NINJ1: variants seen among roughly 807,000 people sequenced by gnomAD.
NINJ1 encodes the protein ninjurin-1.
A neutral mutation model predicts 12.7 loss-of-function variants in NINJ1; 6 were observed. The ratio of observed to expected loss-of-function variants is 0.47; its 90% CI spans 0.26 to 0.93. NINJ1 has a LOEUF of 0.93. NINJ1 is among the 40% of genes least tolerant of loss of function. The probability of loss-of-function intolerance (pLI) is 0.15; values close to 1 mark genes in which losing one functional copy is unlikely to be tolerated. For synonymous variants in NINJ1, 100 were observed against 96.0 expected (o/e 1.04, Z -0.25); for missense variants, 170 against 213.0 (o/e 0.80, Z 1.26).
intron 1 of NINJ1, among the ~76,000 whole-genome samples, chr9:93,133,297 C>A (rs557139378): frequency 2.0e-5 from 3 of 152,352 alleles, no homozygotes; most frequent in African/African-American, 7.2e-5. Flanking sequence ...CTGGTCCACG[C>A]CATGGAGAGG....
At position 93,125,063 on chromosome 9, in the gene NINJ1, C is replaced by T. The variant is rs755564705; in HGVS notation, c.305-1G>A. 4.3e-6 allele frequency: 7 copies of T among 1,610,198 alleles called. No homozygotes were observed. The highest frequency in any genetic ancestry group is 5.9e-6 in the Non-Finnish European group (7 of 1,177,788). On this transcript the variant is annotated splice_acceptor_variant, in intron 2 of 3. Transcript: ENST00000375446. LOFTEE classifies it high-confidence loss of function. ...GCCGGGTTGTTAAGGTCGTACTTGACTGTGGGCGAGAGAGGAGTGGATGGT... is the reference window on the plus strand; with the variant it reads ...GCCGGGTTGTTAAGGTCGTACTTGATTGTGGGCGAGAGAGGAGTGGATGGT...
At chr9:93,126,348 C>T (rs35551956) in intron 2 of NINJ1, 62 bp downstream of exon 2, 77,433 of 1,441,006 alleles carry the variant, frequency 0.054, 2,532 homozygotes, top group Non-Finnish European at 0.064. Context: ...CTGTCCCAGG[C>T]GATGCGAGCA....
At chr9:93,126,693 G>T in intron 1 of NINJ1, 55 bp from the exon 2 acceptor site, 1 of 1,433,372 alleles carries the variant, frequency 7.0e-7, no homozygotes, top group Non-Finnish European at 9.5e-7. Context: ...CAAGGGCTGT[G>T]CCTGAGTCGG....
chr9:93,134,026 G>T (rs1024053820), intron 1 of NINJ1, 117 bp downstream of exon 1: 26 of 703,668 alleles, frequency 3.7e-5, no homozygotes, highest in Non-Finnish European at 1.3e-5. Flanking sequence ...GCCTAGAGCG[G>T]GACGTCCCCC....
intron 2 of NINJ1, 32 bp from the exon 3 acceptor site, chr9:93,125,094 G>C (rs1827792872): frequency 6.3e-7 from 1 of 1,588,754 alleles, no homozygotes; most frequent in African/African-American, 1.3e-5. Context: ...ATGGTGCCAA[G>C]GGCAGCCCAG....
intron 1 of NINJ1, among the ~76,000 whole-genome samples, chr9:93,129,181 G>A (rs377430808): frequency 1.5e-4 from 2 of 12,906 alleles, no homozygotes; most frequent in East Asian, 0.012. Flanking sequence ...AGCAAAGGCG[G>A]TTCCTTACCC....
intron 1 of NINJ1, among the ~76,000 whole-genome samples, chr9:93,128,716 G>A (rs1330284051): frequency 6.6e-6 from 1 of 152,194 alleles, no homozygotes; most frequent in Non-Finnish European, 1.5e-5. Flanking sequence ...CCCAGGACTT[G>A]GTGCTGGGAG....
In NINJ1 at chr9:93,126,112, G is replaced by A. The variant is rs531228598; in HGVS notation, c.304+298C>T. The A allele has an allele frequency of 2.9e-4, 115 of 395,000 alleles. 1 individual carries two copies. In the South Asian group the frequency reaches 4.1e-3, roughly 14 times the overall value. The allele number at this position is 395,000 out of a possible 1,614,324, so 24.5% of individuals were successfully genotyped here. A position where few individuals can be genotyped will look rare whatever the true frequency, so the allele number is the denominator to read the frequency against. ...CTTTGGGGGCTGAGGTGGGAGGATC[G>A]CTTGAGCCCAGGAGATGCAGCTTGC... On this transcript the variant is annotated intron_variant, in intron 2 of 3. Transcript: ENST00000375446.
At chr9:93,128,460 C>T (rs1032796302) in intron 1 of NINJ1, among the ~76,000 whole-genome samples, 1 of 152,214 alleles carries the variant, frequency 6.6e-6, no homozygotes, top group Non-Finnish European at 1.5e-5. Flanking sequence ...GGGCTTCCTC[C>T]CAGGCTGCCC....
chr9:93,126,184 G>A (rs972029890), intron 2 of NINJ1: 8 of 551,656 alleles, frequency 1.5e-5, no homozygotes, highest in East Asian at 6.2e-5. Flanking sequence ...GTGACAGAGG[G>A]GGACCTTGTT....
chr9:93,130,710 C>T (rs961138919), intron 1 of NINJ1, among the ~76,000 whole-genome samples: 8 of 152,186 alleles, frequency 5.3e-5, no homozygotes, highest in Non-Finnish European at 1.0e-4. Context: ...GGCTGTTTTC[C>T]TTGATGCCTG....
intron 3 of NINJ1, among the ~76,000 whole-genome samples, chr9:93,123,101 C>T (rs776349884): frequency 3.3e-5 from 5 of 152,206 alleles, no homozygotes; most frequent in African/African-American, 4.8e-5. Context: ...TGGGGGCTGG[C>T]GTGATCCCAC....
At chr9:93,128,021 G>A (rs1174759287) in intron 1 of NINJ1, among the ~76,000 whole-genome samples, 2 of 152,222 alleles carry the variant, frequency 1.3e-5, no homozygotes, top group Non-Finnish European at 2.9e-5. Context: ...GTGCCCAGGA[G>A]GAAGAGAGTG....
intron 1 of NINJ1, 89 bp downstream of exon 1, chr9:93,134,054 A>G (rs1827938575): frequency 9.7e-7 from 1 of 1,035,746 alleles, no homozygotes; most frequent in Non-Finnish European, 1.4e-6. Flanking sequence ...TGCAGTGCGG[A>G]CGCGGCGCAC....
chr9:93,123,219 G>T (rs1362725937), intron 3 of NINJ1, among the ~76,000 whole-genome samples: 2 of 152,172 alleles, frequency 1.3e-5, no homozygotes, highest in South Asian at 4.1e-4. Flanking sequence ...CCAGGTGGAT[G>T]CAGGGTGCTC....
intron 1 of NINJ1, among the ~76,000 whole-genome samples, chr9:93,127,880 C>A (rs4744178): frequency 6.6e-6 from 1 of 152,220 alleles, no homozygotes; most frequent in African/African-American, 2.4e-5. Flanking sequence ...CAGGGAGGGG[C>A]GGACATGGTA....
chr9:93,133,102 C>G (rs1827921341), intron 1 of NINJ1, among the ~76,000 whole-genome samples: 5 of 152,202 alleles, frequency 3.3e-5, no homozygotes, highest in Admixed American at 3.3e-4. Context: ...TCGCTGGGGT[C>G]CCGCACACCG....
chr9:93,126,718 C>G, intron 1 of NINJ1, 80 bp from the exon 2 acceptor site: 3 of 1,146,862 alleles, frequency 2.6e-6, no homozygotes, highest in Non-Finnish European at 3.7e-6. Flanking sequence ...TGGGGGTCAC[C>G]GGGCCCTGCA....
intron 1 of NINJ1, 111 bp downstream of exon 1, chr9:93,134,032 C>T (rs754933378): frequency 1.3e-6 from 1 of 778,488 alleles, no homozygotes; most frequent in Non-Finnish European, 1.9e-6. Context: ...AGCGGGACGT[C>T]CCCCAACACT....
Sources: gnomAD v4.1 joint callset for allele counts (sites outside exome capture counted in the v4.1 genomes callset) on GRCh38, gnomAD v4.1.1 for gene constraint, MANE v1.5 for transcripts, NCBI Gene and HGNC (gene_info 2026-07-23, HGNC 2026-07-21) for gene names.